ARHGAP15: variants seen among roughly 807,000 people sequenced by gnomAD.
The protein encoded by ARHGAP15 is Rho GTPase activating protein 15, also known as rho GTPase-activating protein 15.
A neutral mutation model predicts 63.7 loss-of-function variants in ARHGAP15; 51 were observed. That is an observed-to-expected ratio of 0.80 (90% confidence interval 0.64 to 1.01). The LOEUF is 1.01. Among genes scored for constraint, ARHGAP15 ranks in the 50% least tolerant of loss-of-function variants. The pLI is 0.00. For missense variants in ARHGAP15, 560 were observed against 564.6 expected, an observed-to-expected ratio of 0.99 and a Z score of 0.08; for synonymous variants, 191 against 193.8, an observed-to-expected ratio of 0.99 and a Z score of 0.12.
chr2:143,689,077 C>G (rs1468758522), intron 12 of ARHGAP15, among the ~76,000 whole-genome samples: 4 of 152,030 alleles, frequency 2.6e-5, no homozygotes, highest in African/African-American at 7.2e-5. Flanking sequence ...TGTAGATAAT[C>G]TCTTCATTCT....
intron 6 of ARHGAP15, among the ~76,000 whole-genome samples, chr2:143,343,524 A>G (rs1022292720): frequency 6.6e-5 from 10 of 152,114 alleles, no homozygotes; most frequent in Admixed American, 1.3e-4. Flanking sequence ...TCTGCAGGGC[A>G]GTGGAAAGAT....
At position 143,618,185 on chromosome 2, in the gene ARHGAP15, C is replaced by T. The variant is rs552808702; in HGVS notation, c.1004-5948C>T. 2.0e-5 allele frequency among the ~76,000 whole-genome samples: 3 copies of T among 152,320 alleles called. No homozygotes were observed. In the South Asian group the frequency reaches 6.2e-4, roughly 32 times the overall value. On this transcript the variant is annotated intron_variant, in intron 11 of 13. Coordinates refer to ENST00000295095, the MANE Select transcript of ARHGAP15 (RefSeq NM_018460.4). ...AGCCAGCACAGCAAGAAAAGTTGAGCTAGTTGAGTGATTCAACCAACTTAC... is the reference window on the plus strand; with the variant it reads ...AGCCAGCACAGCAAGAAAAGTTGAGTTAGTTGAGTGATTCAACCAACTTAC...
chr2:143,270,903 T>C (rs181274271), intron 6 of ARHGAP15, among the ~76,000 whole-genome samples: 21 of 152,332 alleles, frequency 1.4e-4, no homozygotes, highest in East Asian at 9.6e-4. Flanking sequence ...ATATTCAAAA[T>C]ATTTTAATGT....
chr2:143,197,363 GATAATA>G (rs1457441609), intron 2 of ARHGAP15, among the ~76,000 whole-genome samples: 2 of 151,838 alleles, frequency 1.3e-5, no homozygotes, highest in South Asian at 2.1e-4. Context: ...AAAATTGTCA[GATAATA>G]ATAATAAGCT....
At chr2:143,364,198 A>G (rs1432291096) in intron 6 of ARHGAP15, among the ~76,000 whole-genome samples, 1 of 143,170 alleles carries the variant, frequency 7.0e-6, no homozygotes, top group Non-Finnish European at 1.5e-5. Flanking sequence ...AACAAACAAC[A>G]ACAACAAAAA....
At chr2:143,266,576 A>G (rs1472787944) in intron 6 of ARHGAP15, among the ~76,000 whole-genome samples, 1 of 152,200 alleles carries the variant, frequency 6.6e-6, no homozygotes, top group Non-Finnish European at 1.5e-5. Flanking sequence ...TTCACTTAGC[A>G]TATTTAAGTT....
At chr2:143,323,536 T>C (rs576845184) in intron 6 of ARHGAP15, among the ~76,000 whole-genome samples, 1 of 152,248 alleles carries the variant, frequency 6.6e-6, no homozygotes, top group South Asian at 2.1e-4. Flanking sequence ...TACTTCAACA[T>C]TGAAAAATCA....
chr2:143,655,891 C>T (rs549110119), intron 12 of ARHGAP15, among the ~76,000 whole-genome samples: 3 of 151,952 alleles, frequency 2.0e-5, no homozygotes, highest in Non-Finnish European at 4.4e-5. Context: ...GTCCATTTTC[C>T]AGATTTATGT....
intron 6 of ARHGAP15, among the ~76,000 whole-genome samples, chr2:143,376,635 C>G (rs1022167749): frequency 2.0e-5 from 3 of 151,892 alleles, no homozygotes. Context: ...AAAATTTGAT[C>G]TTAATTAGAT....
At chr2:143,569,552 C>A (rs1025034386) in intron 11 of ARHGAP15, among the ~76,000 whole-genome samples, 2 of 152,082 alleles carry the variant, frequency 1.3e-5, no homozygotes, top group Admixed American at 6.5e-5. Context: ...GGAATGAGGG[C>A]TTCTGTGAGA....
At chr2:143,515,839 T>C (rs1186675926) in intron 9 of ARHGAP15, among the ~76,000 whole-genome samples, 1 of 152,242 alleles carries the variant, frequency 6.6e-6, no homozygotes, top group African/African-American at 2.4e-5. Flanking sequence ...TTTAAGATGC[T>C]TTATAACATA....
intron 6 of ARHGAP15, among the ~76,000 whole-genome samples, chr2:143,425,666 A>C (rs1402359685): frequency 6.6e-6 from 1 of 152,078 alleles, no homozygotes; most frequent in Non-Finnish European, 1.5e-5. Flanking sequence ...CTCAGAAGAA[A>C]ATTTTCAACA....
At chr2:143,325,951 T>C (rs1684231294) in intron 6 of ARHGAP15, among the ~76,000 whole-genome samples, 1 of 152,162 alleles carries the variant, frequency 6.6e-6, no homozygotes, top group Non-Finnish European at 1.5e-5. Context: ...CCCACACTGA[T>C]CTTCATGGTC....
intron 6 of ARHGAP15, among the ~76,000 whole-genome samples, chr2:143,430,622 G>A (rs942990783): frequency 6.6e-6 from 1 of 151,774 alleles, no homozygotes; most frequent in East Asian, 1.9e-4. Flanking sequence ...TTTTCTGCTG[G>A]GAGTACTGAA....
chr2:143,417,210 T>C (rs1688729196), intron 6 of ARHGAP15, among the ~76,000 whole-genome samples: 1 of 152,102 alleles, frequency 6.6e-6, no homozygotes, highest in Non-Finnish European at 1.5e-5. Flanking sequence ...TGCTGCAGCC[T>C]ACAATAATAT....
intron 12 of ARHGAP15, among the ~76,000 whole-genome samples, chr2:143,666,726 A>G (rs1682212771): frequency 7.4e-6 from 1 of 135,452 alleles, no homozygotes. Context: ...TTTACAAGAA[A>G]AAAACAAACA....
intron 6 of ARHGAP15, among the ~76,000 whole-genome samples, chr2:143,397,703 A>G (rs1466660397): frequency 6.6e-6 from 1 of 152,140 alleles, no homozygotes; most frequent in Non-Finnish European, 1.5e-5. Flanking sequence ...AGAAAAACTG[A>G]GCTCTACAGT....
intron 1 of ARHGAP15, among the ~76,000 whole-genome samples, chr2:143,149,680 T>TATA (rs1191069641): frequency 1.3e-5 from 2 of 152,006 alleles, no homozygotes; most frequent in Non-Finnish European, 2.9e-5. Flanking sequence ...GCCTCTAACT[T>TATA]ATAATAAAAT....
At chr2:143,213,701 C>T (rs1692640820) in intron 3 of ARHGAP15, among the ~76,000 whole-genome samples, 1 of 152,160 alleles carries the variant, frequency 6.6e-6, no homozygotes, top group African/African-American at 2.4e-5. Context: ...TTAGCTTCTT[C>T]TAATGACCTG....
Sources: gnomAD v4.1 joint callset for allele counts (sites outside exome capture counted in the v4.1 genomes callset) on GRCh38, gnomAD v4.1.1 for gene constraint, MANE v1.5 for transcripts, NCBI Gene and HGNC (gene_info 2026-07-23, HGNC 2026-07-21) for gene names.